Variants in ARSK observed in about 807,000 individuals in gnomAD.
The protein encoded by ARSK is arylsulfatase K.
Under a neutral mutation model 53.2 loss-of-function variants are expected in ARSK, and 37 were observed. That is an observed-to-expected ratio of 0.70 (90% CI 0.54 to 0.92). The LOEUF is 0.92. Ranked by LOEUF, ARSK falls within the 40% of genes least tolerant of loss-of-function variation. ARSK has a pLI of 0.00. For missense variants in ARSK, 613 were observed against 643.0 expected, an observed-to-expected ratio of 0.95 and a Z score of 0.51; for synonymous variants, 208 against 223.2, an observed-to-expected ratio of 0.93 and a Z score of 0.61.
intron 1 of ARSK, among the ~76,000 whole-genome samples, chr5:95,558,901 G>A (rs1439627623): frequency 6.6e-6 from 1 of 152,224 alleles, no homozygotes; most frequent in Non-Finnish European, 1.5e-5. Flanking sequence ...AGCACTTTGG[G>A]AGACCGAGGT....
chr5:95,599,474 C>T (rs1749362588), intron 6 of ARSK, among the ~76,000 whole-genome samples: 1 of 152,182 alleles, frequency 6.6e-6, no homozygotes, highest in South Asian at 2.1e-4. Context: ...AGCCTCTTCC[C>T]TCACAGCCTT....
intron 1 of ARSK, among the ~76,000 whole-genome samples, chr5:95,559,824 C>T (rs949145899): frequency 1.3e-5 from 2 of 152,120 alleles, no homozygotes; most frequent in African/African-American, 4.8e-5. Flanking sequence ...CACTGCTATA[C>T]AGCATTGTAC....
intron 3 of ARSK, among the ~76,000 whole-genome samples, chr5:95,578,415 C>T (rs550717939): frequency 6.6e-6 from 1 of 151,816 alleles, no homozygotes; most frequent in South Asian, 2.1e-4. Flanking sequence ...ACCTCAGCCT[C>T]CCAAAGCCCT....
intron 7 of ARSK, 65 bp downstream of exon 7, chr5:95,601,136 C>T (rs1749396717): frequency 1.5e-6 from 2 of 1,309,348 alleles, no homozygotes; most frequent in Admixed American, 1.8e-5. Flanking sequence ...TGTAGCATTG[C>T]TCAAGATATC....
chr5:95,600,162 C>T (rs1749378704), intron 6 of ARSK, among the ~76,000 whole-genome samples: 1 of 152,012 alleles, frequency 6.6e-6, no homozygotes, highest in Admixed American at 6.6e-5. Flanking sequence ...TTATTTTTCC[C>T]TTCCTAAATA....
chr5:95,581,644 A>C (rs1010457831), intron 3 of ARSK, among the ~76,000 whole-genome samples: 1 of 152,202 alleles, frequency 6.6e-6, no homozygotes. Flanking sequence ...TCCTTCTCTC[A>C]AAATCTGAGT....
In ARSK at chr5:95,583,116, TA is replaced by T. The variant is rs1202417545; in HGVS notation, c.618del (p.Leu206PhefsTer48). On this transcript the variant is annotated frameshift_variant, in exon 4 of 8. Transcript: ENST00000380009. LOFTEE classifies it high-confidence loss of function. ...TTTGTTATTTACTTGGGATTAAATT[TA>T]CCACACCCTTACCCTTCACCATCTT... is the stretch of plus-strand genomic sequence containing the variant. The part of the protein sequence containing the change: ...EPFVIYLGLN[L>X]PHPYPSPSSG... 6.2e-7 allele frequency: 1 copy of T among 1,613,532 alleles called. No individual in the cohort carries two copies.
chr5:95,590,547 C>T (rs1168120925), intron 5 of ARSK, among the ~76,000 whole-genome samples: 3 of 152,082 alleles, frequency 2.0e-5, no homozygotes, highest in South Asian at 2.1e-4. Flanking sequence ...TAAGTAATTC[C>T]AGTTGTCCAG....
At chr5:95,597,285 T>C (rs1448744521) in intron 6 of ARSK, among the ~76,000 whole-genome samples, 1 of 152,210 alleles carries the variant, frequency 6.6e-6, no homozygotes, top group Non-Finnish European at 1.5e-5. Flanking sequence ...GAGAATGTAA[T>C]TATACAAAAA....
At chr5:95,592,705 T>C (rs1313483584) in intron 6 of ARSK, among the ~76,000 whole-genome samples, 2 of 152,002 alleles carry the variant, frequency 1.3e-5, no homozygotes, top group Non-Finnish European at 2.9e-5. Flanking sequence ...CCTGCCACCA[T>C]GTCCAGCTAA....
At chr5:95,599,934 A>G (rs138797411) in intron 6 of ARSK, among the ~76,000 whole-genome samples, 1,789 of 152,342 alleles carry the variant, frequency 0.012, 39 homozygotes, top group African/African-American at 0.041. Flanking sequence ...TACATAAAAT[A>G]TGAACATTGA....
chr5:95,600,577 A>C (rs1225017513), intron 6 of ARSK: 1 of 586,356 alleles, frequency 1.7e-6, no homozygotes, highest in Non-Finnish European at 3.2e-6. Context: ...ATTTAAACCT[A>C]AAATGAACCT....
At chr5:95,590,624 A>C (rs1749196276) in intron 5 of ARSK, among the ~76,000 whole-genome samples, 1 of 152,182 alleles carries the variant, frequency 6.6e-6, no homozygotes, top group African/African-American at 2.4e-5. Flanking sequence ...AATCCTGATT[A>C]CACCTCAGAA....
At chr5:95,579,225 C>G (rs950799408) in intron 3 of ARSK, among the ~76,000 whole-genome samples, 1 of 151,992 alleles carries the variant, frequency 6.6e-6, no homozygotes, top group South Asian at 2.1e-4. Flanking sequence ...TCTTAGATGC[C>G]CTTTGTGATT....
Position 95,591,589 on chromosome 5 carries a change from GTGGTT to G in ARSK, c.1062_1066del (p.Val355SerfsTer10). ...TAAAGCCGGCCTACAAGTATCAAATGTGGTTTCTCTTGTGGATATTTACCCTACCA... is the reference window on the plus strand; with the variant it reads ...TAAAGCCGGCCTACAAGTATCAAATGTCTCTTGTGGATATTTACCCTACCA... On this transcript the variant is annotated frameshift_variant, in exon 6 of 8. Transcript: ENST00000380009. LOFTEE classifies it high-confidence loss of function. 1 of 1,614,152 alleles carries G rather than the reference GTGGTT, an allele frequency of 6.2e-7. No homozygotes were observed. The highest frequency in any genetic ancestry group is 8.5e-7 in the Non-Finnish European group (1 of 1,180,014).
In ARSK at chr5:95,602,485, C is replaced by G. The variant is rs573941884; in HGVS notation, c.1322-752C>G. 4.0e-3 allele frequency among the ~76,000 whole-genome samples: 613 copies of G among 152,204 alleles called. 4 individuals carry two copies. Among genetic ancestry groups the G allele is most frequent in the Middle Eastern group, 0.017 (5 of 292 alleles). On this transcript the variant is annotated intron_variant, in intron 7 of 7. Transcript: ENST00000380009. Reference sequence around the variant, plus strand: ...CAAAGTCACATATCTCTTCAGGGGCCTCTTGGCTACTGCACTTAAGTAGGC... The same window carrying G: ...CAAAGTCACATATCTCTTCAGGGGCGTCTTGGCTACTGCACTTAAGTAGGC...
chr5:95,596,823 C>T (rs375856005), intron 6 of ARSK, among the ~76,000 whole-genome samples: 2 of 151,878 alleles, frequency 1.3e-5, no homozygotes, highest in African/African-American at 4.8e-5. Context: ...TTTGAATTTA[C>T]AAGTCATTTT....
In ARSK at chr5:95,569,898, A is replaced by C. The variant is rs116825938; in HGVS notation, c.416+1849A>C. Among the ~76,000 whole-genome samples the C allele has an allele frequency of 3.4e-3, 522 of 152,324 alleles. 1 individual carries two copies. Among genetic ancestry groups the C allele is most frequent in the African/African-American group, 0.012 (496 of 41,568 alleles). ...AAGATGGCAGTACAGGAAATGCAGAAGCAATCCTGACATTCCTATTCTTTA... is the reference window on the plus strand; with the variant it reads ...AAGATGGCAGTACAGGAAATGCAGACGCAATCCTGACATTCCTATTCTTTA... On this transcript the variant is annotated intron_variant, in intron 3 of 7. Transcript: ENST00000380009.
chr5:95,557,784 A>C (rs1748550933), intron 1 of ARSK, among the ~76,000 whole-genome samples: 1 of 152,270 alleles, frequency 6.6e-6, no homozygotes, highest in Admixed American at 6.5e-5. Context: ...CAGGATAACA[A>C]CGCAAGAGCT....
Sources: allele counts gnomAD v4.1 joint callset (sites outside exome capture counted in the v4.1 genomes callset), GRCh38; gene constraint gnomAD v4.1.1; transcripts MANE v1.5; gene names NCBI Gene and HGNC (gene_info 2026-07-23, HGNC 2026-07-21).